CSMD1: variants seen among roughly 807,000 people sequenced by gnomAD.
CSMD1 encodes CUB and sushi domain-containing protein 1.
In CSMD1, 213 loss-of-function variants were observed where a neutral mutation model predicts 417.5. The ratio of observed to expected loss-of-function variants is 0.51; its 90% confidence interval spans 0.46 to 0.57. The LOEUF (loss-of-function observed/expected upper bound fraction) is 0.57. Among genes scored for constraint, CSMD1 ranks in the 20% least tolerant of loss-of-function variants. The pLI is 0.00. For synonymous variants in CSMD1, 2,862 were observed against 1,736.8 expected, an observed-to-expected ratio of 1.65 and a Z score of -16.11; for missense variants, 6,923 against 4,529.7, an observed-to-expected ratio of 1.53 and a Z score of -15.17.
intron 2 of CSMD1, among the ~76,000 whole-genome samples, chr8:4,627,935 C>G (rs2130832832): frequency 6.6e-6 from 1 of 152,150 alleles, no homozygotes; most frequent in African/African-American, 2.4e-5. Flanking sequence ...GGACGATGAT[C>G]AGCATCTCTA....
At chr8:2,942,204 G>A (rs953818810) in intron 69 of CSMD1, among the ~76,000 whole-genome samples, 60 of 152,054 alleles carry the variant, frequency 3.9e-4, no homozygotes, top group Non-Finnish European at 7.9e-4. Flanking sequence ...GCATCAAGAA[G>A]AACAGCTGAT....
chr8:4,771,814 A>C (rs184202927), intron 1 of CSMD1, among the ~76,000 whole-genome samples: 3 of 152,210 alleles, frequency 2.0e-5, no homozygotes, highest in Admixed American at 2.0e-4. Context: ...GTTTGTTTTT[A>C]TTTCCATCAA....
In CSMD1 at chr8:3,998,257, A is replaced by T. The variant is rs1041442722; in HGVS notation, c.611-147T>A. On this transcript the variant is annotated intron_variant, in intron 4 of 69. Coordinates refer to ENST00000635120, the MANE Select transcript of CSMD1 (RefSeq NM_033225.6). Reference sequence around the variant, plus strand: ...TCAATCTGAAAAAGAATCTTTTGGTATGTTAATGAGTTCTATGAAAAGGCT... The same window carrying T: ...TCAATCTGAAAAAGAATCTTTTGGTTTGTTAATGAGTTCTATGAAAAGGCT... 2.1e-5 allele frequency: 14 copies of T among 658,464 alleles called. No individual in the cohort carries two copies. In the African/African-American group the frequency reaches 2.5e-4, roughly 12 times the overall value. The allele number at this position is 658,464 out of a possible 1,614,324, so 40.8% of individuals were successfully genotyped here.
chr8:3,991,919 T>C (rs116873379), intron 5 of CSMD1, among the ~76,000 whole-genome samples: 19 of 152,298 alleles, frequency 1.2e-4, no homozygotes, highest in Non-Finnish European at 2.2e-4. Context: ...GTAGCAACTA[T>C]TGTTTATATT....
At chr8:4,190,927 G>C (rs763996265) in intron 3 of CSMD1, among the ~76,000 whole-genome samples, 8 of 146,024 alleles carry the variant, frequency 5.5e-5, no homozygotes, top group African/African-American at 1.0e-4. Context: ...ATAGGTGAAC[G>C]ACACAAACTG....
At chr8:3,056,047 A>C (rs1812197858) in intron 49 of CSMD1, among the ~76,000 whole-genome samples, 1 of 152,240 alleles carries the variant, frequency 6.6e-6, no homozygotes, top group African/African-American at 2.4e-5. Flanking sequence ...TAGGCAGAAT[A>C]TGTTTTGTAT....
chr8:4,699,362 C>T (rs990856135), intron 1 of CSMD1, among the ~76,000 whole-genome samples: 1 of 152,180 alleles, frequency 6.6e-6, no homozygotes, highest in Non-Finnish European at 1.5e-5. Context: ...CCTTACTCAT[C>T]TGAGAGTACC....
chr8:4,245,667 A>G (rs1043371987), intron 3 of CSMD1, among the ~76,000 whole-genome samples: 1 of 152,128 alleles, frequency 6.6e-6, no homozygotes, highest in Non-Finnish European at 1.5e-5. Flanking sequence ...AATCTACCCC[A>G]TATGAATGAC....
intron 12 of CSMD1, among the ~76,000 whole-genome samples, chr8:3,436,250 T>C (rs1174526226): frequency 1.3e-5 from 2 of 152,224 alleles, no homozygotes; most frequent in African/African-American, 2.4e-5. Flanking sequence ...AAATGTGACA[T>C]GAGTCTCTCT....
At chr8:4,172,131 T>G (rs1797797877) in intron 3 of CSMD1, among the ~76,000 whole-genome samples, 1 of 152,150 alleles carries the variant, frequency 6.6e-6, no homozygotes, top group Non-Finnish European at 1.5e-5. Context: ...GGTGCATGAC[T>G]ACCTAAAATT....
At chr8:4,900,427 G>C (rs1157159558) in intron 1 of CSMD1, among the ~76,000 whole-genome samples, 1 of 152,128 alleles carries the variant, frequency 6.6e-6, no homozygotes, top group Non-Finnish European at 1.5e-5. Flanking sequence ...AATTTCTGGA[G>C]ATGCAGCCTC....
chr8:3,843,768 C>G (rs1803293623), intron 5 of CSMD1, among the ~76,000 whole-genome samples: 1 of 152,162 alleles, frequency 6.6e-6, no homozygotes, highest in East Asian at 1.9e-4. Context: ...ATTTGATTCT[C>G]AGATCCACCA....
At chr8:3,232,007 T>C (rs1406269827) in intron 26 of CSMD1, among the ~76,000 whole-genome samples, 3 of 152,234 alleles carry the variant, frequency 2.0e-5, no homozygotes, top group Admixed American at 6.5e-5. Flanking sequence ...CATTGAAATA[T>C]ATACATGTGT....
chr8:4,643,210 T>C (rs990816345), intron 1 of CSMD1, among the ~76,000 whole-genome samples: 2 of 152,222 alleles, frequency 1.3e-5, no homozygotes, highest in African/African-American at 4.8e-5. Flanking sequence ...CTGGCTCCTT[T>C]CTAAAACAAC....
At chr8:3,946,440 T>C (rs768114850) in intron 5 of CSMD1, among the ~76,000 whole-genome samples, 5 of 152,306 alleles carry the variant, frequency 3.3e-5, no homozygotes, top group Middle Eastern at 3.4e-3. Context: ...TAGCTCAATA[T>C]TGACATCTTC....
chr8:4,909,663 C>G lies in CSMD1; in HGVS notation c.85+84669G>C, dbSNP rs184436012. Among the ~76,000 whole-genome samples the G allele has an allele frequency of 7.8e-3, 1,189 of 152,200 alleles. 13 individuals carry two copies. Among genetic ancestry groups the G allele is most frequent in the African/African-American group, 0.027 (1,127 of 41,492 alleles). ...CAATGAGTGTAGGGGCCTCCTAAGA[C>G]TGCACACCCCCGGATTTTCTCCTTC... On this transcript the variant is annotated intron_variant, in intron 1 of 69. Coordinates refer to ENST00000635120, the MANE Select transcript of CSMD1 (RefSeq NM_033225.6).
intron 1 of CSMD1, among the ~76,000 whole-genome samples, chr8:4,968,372 T>C (rs1810016184): frequency 6.6e-6 from 1 of 152,000 alleles, no homozygotes; most frequent in African/African-American, 2.4e-5. Context: ...ACTTTTTCCT[T>C]ACCCCCAACA....
At chr8:4,234,879 G>A (rs984764497) in intron 3 of CSMD1, among the ~76,000 whole-genome samples, 1 of 152,042 alleles carries the variant, frequency 6.6e-6, no homozygotes, top group African/African-American at 2.4e-5. Flanking sequence ...GCTTTTCCTC[G>A]GTGTGTGAAC....
chr8:4,648,667 T>C (rs931055738), intron 1 of CSMD1, among the ~76,000 whole-genome samples: 1 of 152,222 alleles, frequency 6.6e-6, no homozygotes, highest in African/African-American at 2.4e-5. Context: ...ACAACCATGT[T>C]TCACCTTTTA....
Sources: allele counts gnomAD v4.1 joint callset (sites outside exome capture counted in the v4.1 genomes callset), GRCh38; gene constraint gnomAD v4.1.1; transcripts MANE v1.5; gene names NCBI Gene and HGNC (gene_info 2026-07-23, HGNC 2026-07-21).